The following PRR16 variants were observed in gnomAD, a reference collection of about 807,000 sequenced individuals.
PRR16 encodes proline rich 16.
Under a neutral mutation model 18.2 loss-of-function variants are expected in PRR16, and 6 were observed. The observed-to-expected ratio is 0.33, with a 90% CI of 0.18 to 0.65. PRR16 has a LOEUF of 0.65. Ranked by LOEUF, PRR16 falls within the 30% of genes least tolerant of loss-of-function variation. The probability of loss-of-function intolerance (pLI) is 0.74; values close to 1 mark genes in which losing one functional copy is unlikely to be tolerated. For synonymous variants in PRR16, 151 were observed against 147.8 expected (o/e 1.02, Z -0.16); for missense variants, 412 against 376.6 (o/e 1.09, Z -0.78).
chr5:120,745,967 C>G, the PRR16 span, among the ~76,000 whole-genome samples: 1 of 151,622 alleles, frequency 6.6e-6, no homozygotes, highest in Non-Finnish European at 1.5e-5. Flanking sequence ...CCATCTTTGC[C>G]CCCCAAAATG....
At chr5:120,545,489 T>C (rs1338506370) in intron 1 of PRR16, among the ~76,000 whole-genome samples, 1 of 152,078 alleles carries the variant, frequency 6.6e-6, no homozygotes, top group East Asian at 1.9e-4. Flanking sequence ...AAGCTCACCT[T>C]ATACTTTTTA....
intron 1 of PRR16, chr5:120,617,189 G>T: frequency 9.1e-6 from 9 of 985,078 alleles, no homozygotes; most frequent in African/African-American, 1.7e-5. Context: ...AAATGCCCAA[G>T]AAGGTCAGCC....
At chr5:120,576,555 C>T (rs1753085576) in intron 1 of PRR16, among the ~76,000 whole-genome samples, 1 of 152,172 alleles carries the variant, frequency 6.6e-6, no homozygotes, top group South Asian at 2.1e-4. Context: ...AACCCTTATA[C>T]TCTGCTGGCG....
chr5:120,466,469 ACTTC>A (rs1253424532), intron 1 of PRR16, among the ~76,000 whole-genome samples: 2 of 152,182 alleles, frequency 1.3e-5, no homozygotes, highest in Non-Finnish European at 2.9e-5. Context: ...TGTGAGCCAT[ACTTC>A]CTTATGTTTT....
At chr5:120,504,502 G>C (rs574843761) in intron 1 of PRR16, among the ~76,000 whole-genome samples, 6 of 149,670 alleles carry the variant, frequency 4.0e-5, no homozygotes, top group Non-Finnish European at 9.0e-5. Flanking sequence ...CTTTGAAGTA[G>C]TCTGTCACAT....
intron 1 of PRR16, among the ~76,000 whole-genome samples, chr5:120,625,673 CAT>C (rs1052083945): frequency 1.3e-5 from 2 of 152,128 alleles, no homozygotes; most frequent in South Asian, 2.1e-4. Context: ...CGTATAAAAA[CAT>C]GTGGGTTTGT....
intron 1 of PRR16, among the ~76,000 whole-genome samples, chr5:120,568,354 A>C (rs977340877): frequency 6.6e-6 from 1 of 152,186 alleles, no homozygotes; most frequent in African/African-American, 2.4e-5. Context: ...CTGTGCAGCT[A>C]GTGGGGAATT....
the PRR16 span, among the ~76,000 whole-genome samples, chr5:120,749,351 A>G: frequency 1.3e-5 from 2 of 152,168 alleles, no homozygotes; most frequent in East Asian, 3.8e-4. Flanking sequence ...TTGTTATGTT[A>G]GGAGTTTGAA....
At chr5:120,573,945 G>T (rs1164944378) in intron 1 of PRR16, among the ~76,000 whole-genome samples, 4 of 150,920 alleles carry the variant, frequency 2.7e-5, no homozygotes, top group Non-Finnish European at 5.9e-5. Flanking sequence ...TAGCAAAAAT[G>T]GTATAAATTA....
At chr5:120,676,170 G>A (rs959701499) in intron 1 of PRR16, among the ~76,000 whole-genome samples, 6 of 151,930 alleles carry the variant, frequency 3.9e-5, no homozygotes, top group Non-Finnish European at 8.8e-5. Flanking sequence ...TTGTTGCTTT[G>A]GAATATCCTT....
chr5:120,776,634 A>G, the PRR16 span, among the ~76,000 whole-genome samples: 1 of 152,146 alleles, frequency 6.6e-6, no homozygotes, highest in African/African-American at 2.4e-5. Flanking sequence ...AATACCACCT[A>G]AATAAAAGAA....
chr5:120,673,084 T>G (rs984404680), intron 1 of PRR16, among the ~76,000 whole-genome samples: 10 of 152,200 alleles, frequency 6.6e-5, no homozygotes, highest in African/African-American at 2.4e-4. Flanking sequence ...TTATAATCTG[T>G]GGATAATGTT....
the PRR16 span, among the ~76,000 whole-genome samples, chr5:120,776,807 T>A: frequency 0.27 from 40,669 of 151,184 alleles, 5,772 homozygotes; most frequent in Non-Finnish European, 0.31. Flanking sequence ...AATTGTAAAA[T>A]ACATATGTAT....
At chr5:120,699,976 A>G in the PRR16 span, among the ~76,000 whole-genome samples, 1 of 152,146 alleles carries the variant, frequency 6.6e-6, no homozygotes, top group Non-Finnish European at 1.5e-5. Flanking sequence ...CAGCCTAGGT[A>G]ATTTGCTGAG....
At chr5:120,775,794 C>CTTTTT in the PRR16 span, among the ~76,000 whole-genome samples, 1,159 of 122,258 alleles carry the variant, frequency 9.5e-3, 15 homozygotes, top group Non-Finnish European at 0.015. Flanking sequence ...CTACGCCTGG[C>CTTTTT]TATTTTTTTT....
At chr5:120,491,637 A>C (rs1398181189) in intron 1 of PRR16, among the ~76,000 whole-genome samples, 3 of 151,912 alleles carry the variant, frequency 2.0e-5, no homozygotes, top group Non-Finnish European at 4.4e-5. Flanking sequence ...TCTGCCTCTC[A>C]GGTTCAAGCG....
At chr5:120,766,573 C>T in the PRR16 span, among the ~76,000 whole-genome samples, 1 of 151,870 alleles carries the variant, frequency 6.6e-6, no homozygotes, top group Non-Finnish European at 1.5e-5. Context: ...TTTCTACCCA[C>T]TTTTAATTAA....
intron 1 of PRR16, among the ~76,000 whole-genome samples, chr5:120,667,228 T>C (rs1213390036): frequency 1.5e-5 from 2 of 135,206 alleles, no homozygotes; most frequent in African/African-American, 5.4e-5. Context: ...TTAGATTTTC[T>C]AGTTTATTTG....
chr5:120,579,121 G>C (rs896674771), intron 1 of PRR16, among the ~76,000 whole-genome samples: 2 of 151,938 alleles, frequency 1.3e-5, no homozygotes, highest in Admixed American at 1.3e-4. Flanking sequence ...TATAAATATT[G>C]TTTAAGTTCC....
Sources: allele counts gnomAD v4.1 joint callset (sites outside exome capture counted in the v4.1 genomes callset), GRCh38; gene constraint gnomAD v4.1.1; transcripts MANE v1.5; gene names NCBI Gene and HGNC (gene_info 2026-07-23, HGNC 2026-07-21).